IFNE: variants seen among roughly 807,000 people sequenced by gnomAD.
IFNE encodes interferon epsilon.
For synonymous variants in IFNE, 94 were observed against 87.4 expected, an observed-to-expected ratio of 1.08 and a Z score of -0.42; for missense variants, 276 against 232.4, an observed-to-expected ratio of 1.19 and a Z score of -1.22.
chr9:21,481,674 A>G lies in IFNE; in HGVS notation c.21T>C (p.Phe7=), dbSNP rs763145608. 2 of 1,612,418 alleles carry G rather than the reference A, an allele frequency of 1.2e-6. 1 individual carries two copies. The highest frequency in any genetic ancestry group is 2.2e-5 in the South Asian group (2 of 90,864). ...AGGCCAGCAGCACCAACACAGTTCC[A>G]AAGAAGTGCTTGATAATCATGGTGA... The part of the protein sequence containing the change: MIIKHF[F]GTVLVLLAST... The change falls in exon 1 of 1, where the codon TTT becomes TTC. Residue 7 remains phenylalanine, a synonymous_variant. Transcript: ENST00000448696.
Position 21,480,860 on chromosome 9 carries a change from A to G in IFNE, c.*208T>C. On this transcript the variant is annotated 3_prime_UTR_variant, in exon 1 of 1. Transcript: ENST00000448696. ...CCCATTTGAAGAATCAACCATATTA[A>G]TGAATTTATTTTGACATACAAACAA... 1 of 449,140 alleles carries G rather than the reference A, an allele frequency of 2.2e-6. No individual in the cohort carries two copies. Among genetic ancestry groups the G allele is most frequent in the Non-Finnish European group, 3.9e-6 (1 of 257,468 alleles). 27.8% of individuals were successfully genotyped at this position (449,140 alleles called of 1,614,324 possible). A position where few individuals can be genotyped will look rare whatever the true frequency, so the allele number is the denominator to read the frequency against.
At position 21,481,586 on chromosome 9, in the gene IFNE, C is replaced by G; in HGVS notation, c.109G>C (p.Glu37Gln). The G allele has an allele frequency of 6.2e-7, 1 of 1,614,114 alleles. No individual in the cohort carries two copies. Among genetic ancestry groups the G allele is most frequent in the Non-Finnish European group, 8.5e-7 (1 of 1,180,002 alleles). The change falls in exon 1 of 1, where the codon GAA becomes CAA. Residue 37 changes from glutamate to glutamine, a missense_variant. Transcript: ENST00000448696. ...AACTTATTCAAGAGTTTTAAACTTT[C>G]TTGATTCACTTGTCTTTGCTGGAAG... ...IIFQQRQVNQ[E>Q]SLKLLNKLQT...
rs566424755 is a variant in IFNE, at chr9:21,481,442, G to A, written c.253C>T (p.Leu85Phe). The A allele has an allele frequency of 6.2e-7, 1 of 1,614,056 alleles. No individual in the cohort carries two copies. The highest frequency in any genetic ancestry group is 8.5e-7 in the Non-Finnish European group (1 of 1,179,910). ...CTGAAGAGGCTGAAGATCTGCTGAA[G>A]CATCTCATGGAGAATGGCCAGAGTG... is the stretch of plus-strand genomic sequence containing the variant. ...GHTLAILHEM[L>F]QQIFSLFRAN... is the part of the protein sequence containing the mutation. Residue 85 changes from leucine (L) to phenylalanine (F), a missense_variant, in exon 1 of 1, where the codon CTT becomes TTT. Leu to Phe is a conservative substitution (Grantham distance 22). Coordinates refer to ENST00000448696, the MANE Select transcript of IFNE (RefSeq NM_176891.5).
rs546555444 is a variant in IFNE, at chr9:21,481,018, T to C, written c.*50A>G. The C allele has an allele frequency of 1.5e-5, 21 of 1,421,520 alleles. No homozygotes were observed. The East Asian group carries it at 4.6e-4, about 31-fold the overall frequency. The allele number at this position is 1,421,520 out of a possible 1,614,324, so 88.1% of individuals were successfully genotyped here. ...CAATGTGATTGTACTATAAATTGTA[T>C]TACCACTCTATGAAGAATCATGTCT... On this transcript the variant is annotated 3_prime_UTR_variant, in exon 1 of 1. Coordinates refer to ENST00000448696, the MANE Select transcript of IFNE (RefSeq NM_176891.5).
Position 21,480,921 on chromosome 9 carries a change from A to C in IFNE, c.*147T>G. The C allele has an allele frequency of 1.6e-6, 1 of 614,724 alleles. No homozygotes were observed. The highest frequency in any genetic ancestry group is 2.7e-6 in the Non-Finnish European group (1 of 369,386). 38.1% of individuals were successfully genotyped at this position (614,724 alleles called of 1,614,324 possible). On this transcript the variant is annotated 3_prime_UTR_variant, in exon 1 of 1. Coordinates refer to ENST00000448696, the MANE Select transcript of IFNE (RefSeq NM_176891.5). ...ATAGAATATATAAAGCCACATTACA[A>C]AATAAAAACAATTGTGGTCAATATG...
the IFNE span, chr9:21,481,540 TG>T: frequency 6.2e-7 from 1 of 1,614,122 alleles, no homozygotes; most frequent in Non-Finnish European, 8.5e-7. Flanking sequence ...TGGTAGACAC[TG>T]CTGAATTGAC....
At chr9:21,481,598 G>A in the IFNE span, 1 of 1,614,068 alleles carries the variant, frequency 6.2e-7, no homozygotes, top group African/African-American at 1.3e-5. Flanking sequence ...TGATTCACTT[G>A]TCTTTGCTGG....
Position 21,481,779 on chromosome 9 carries a change from G to T in IFNE, c.-85C>A. On this transcript the variant is annotated 5_prime_UTR_variant, in exon 1 of 1. The change creates a new upstream start codon in the 5' untranslated region. Transcript: ENST00000448696. The stretch of plus-strand genomic sequence containing the variant: ...GAATGTTTGCCTTTCATGCATCTCA[G>T]ATTATTTTGGAGAGTGTTCTCTTTT... 2.5e-6 allele frequency: 3 copies of T among 1,207,160 alleles called. No homozygotes were observed. The highest frequency in any genetic ancestry group is 2.4e-5 in the East Asian group (1 of 42,400). The allele number at this position is 1,207,160 out of a possible 1,614,324, so 74.8% of individuals were successfully genotyped here.
Position 21,481,013 on chromosome 9 carries a change from T to C in IFNE, c.*55A>G. 1 of 1,367,786 alleles carries C rather than the reference T, an allele frequency of 7.3e-7. No homozygotes were observed. The highest frequency in any genetic ancestry group is 1.0e-6 in the Non-Finnish European group (1 of 999,592). 84.7% of individuals were successfully genotyped at this position (1,367,786 alleles called of 1,614,324 possible). On this transcript the variant is annotated 3_prime_UTR_variant, in exon 1 of 1. Coordinates refer to ENST00000448696, the MANE Select transcript of IFNE (RefSeq NM_176891.5). The stretch of plus-strand genomic sequence containing the variant: ...CAAAGCAATGTGATTGTACTATAAA[T>C]TGTATTACCACTCTATGAAGAATCA...
Position 21,480,993 on chromosome 9 carries a change from C to T in IFNE, c.*75G>A, listed in dbSNP as rs1819023671. 8.7e-7 allele frequency: 1 copy of T among 1,144,838 alleles called. No homozygotes were observed. Among genetic ancestry groups the T allele is most frequent in the East Asian group, 2.4e-5 (1 of 41,938 alleles). The allele number at this position is 1,144,838 out of a possible 1,614,324, so 70.9% of individuals were successfully genotyped here. A position where few individuals can be genotyped will look rare whatever the true frequency, so the allele number is the denominator to read the frequency against. On this transcript the variant is annotated 3_prime_UTR_variant, in exon 1 of 1. Transcript: ENST00000448696. ...AATATATATATACACAAAATCAAAG[C>T]AATGTGATTGTACTATAAATTGTAT...
chr9:21,480,929 A>G lies in IFNE; in HGVS notation c.*139T>C. On this transcript the variant is annotated 3_prime_UTR_variant, in exon 1 of 1. Transcript: ENST00000448696. The stretch of plus-strand genomic sequence containing the variant: ...TATAAAGCCACATTACAAAATAAAA[A>G]CAATTGTGGTCAATATGCACAATCT... 1.5e-6 allele frequency: 1 copy of G among 647,648 alleles called. No individual in the cohort carries two copies. Among genetic ancestry groups the G allele is most frequent in the Non-Finnish European group, 2.5e-6 (1 of 393,628 alleles). 40.1% of individuals were successfully genotyped at this position (647,648 alleles called of 1,614,324 possible).
In IFNE at chr9:21,481,583, T is replaced by C. The variant is rs763013680; in HGVS notation, c.112A>G (p.Ser38Gly). 1.5e-5 allele frequency: 25 copies of C among 1,614,034 alleles called. No homozygotes were observed. The highest frequency in any genetic ancestry group is 2.0e-5 in the Non-Finnish European group (24 of 1,179,994). ...TGCAACTTATTCAAGAGTTTTAAAC[T>C]TTCTTGATTCACTTGTCTTTGCTGG... ...IFQQRQVNQE[S>G]LKLLNKLQTL... The change falls in exon 1 of 1, where the codon AGT becomes GGT. Residue 38 changes from serine (S) to glycine (G), a missense_variant. Ser to Gly is a moderately conservative substitution (Grantham distance 56, BLOSUM62 0). Transcript: ENST00000448696.
chr9:21,481,071 C>G lies in IFNE; in HGVS notation c.624G>C (p.Arg208Ser). Residue 208 changes from arginine (R) to serine (S), a missense_variant, in exon 1 of 1, where the codon AGG (arginine) becomes AGC (serine). Arg to Ser is a moderately radical substitution (Grantham distance 110). Coordinates refer to ENST00000448696, the MANE Select transcript of IFNE (RefSeq NM_176891.5). ...AGAAGTCCTCTAGTCCCTCCACCTA[C>G]CTCGGGCTTCTAAACTCTGTAGTAA... ...QELTTEFRSP[R>S] 3 of 1,599,758 alleles carry G rather than the reference C, an allele frequency of 1.9e-6. No individual in the cohort carries two copies. Among genetic ancestry groups the G allele is most frequent in the Non-Finnish European group, 2.6e-6 (3 of 1,173,816 alleles).
rs1819036632 is a variant in IFNE at position 21,481,332 on chromosome 9, T to A, written c.363A>T (p.Glu121Asp). The A allele has an allele frequency of 8.1e-6, 13 of 1,614,206 alleles. No homozygotes were observed. In the Middle Eastern group the frequency reaches 4.9e-4, roughly 61 times the overall value. ...IQLHQQLEYL[E>D]ALMGLEAEKL... ...TCTCTGCTTCCAGTCCCATGAGTGC[T>A]TCTAGGTATTCTAGCTGTTGATGAA... The change falls in exon 1 of 1, where the codon GAA becomes GAT. Residue 121 changes from glutamate (E) to aspartate (D), a missense_variant. Coordinates refer to ENST00000448696, the MANE Select transcript of IFNE (RefSeq NM_176891.5).
In IFNE at chr9:21,481,277, G is replaced by A. The variant is rs1364115387; in HGVS notation, c.418C>T (p.Leu140Phe). Reference protein sequence around the residue: ...KLSGTLGSDNLRLQVKMYFRR... With the variant: ...KLSGTLGSDNFRLQVKMYFRR... The stretch of plus-strand genomic sequence containing the variant: ...AAGTACATTTTAACTTGTAATCTAA[G>A]GTTATCACTACCCAAAGTACCACTT... Residue 140 changes from leucine to phenylalanine, a missense_variant, in exon 1 of 1, where the codon CTT becomes TTT. Transcript: ENST00000448696. 1.2e-6 allele frequency: 2 copies of A among 1,614,030 alleles called. No individual in the cohort carries two copies. The highest frequency in any genetic ancestry group is 1.7e-5 in the Admixed American group (1 of 60,030).
rs1160033016 is a variant in IFNE at position 21,481,627 on chromosome 9, T to A, written c.68A>T (p.Asp23Val). Residue 23 changes from aspartate to valine, a missense_variant, in exon 1 of 1, where the codon GAT becomes GTT. Coordinates refer to ENST00000448696, the MANE Select transcript of IFNE (RefSeq NM_176891.5). ...TTGCTGGAAGATAATCAGTTTCAAATCTAGAGAGAAGATAGTGGTAGAGGC... is the reference window on the plus strand; with the variant it reads ...TTGCTGGAAGATAATCAGTTTCAAAACTAGAGAGAAGATAGTGGTAGAGGC... ...LLASTTIFSL[D>V]LKLIIFQQRQ... is the part of the protein sequence containing the mutation. 9.3e-6 allele frequency: 15 copies of A among 1,614,070 alleles called. No homozygotes were observed. Among genetic ancestry groups the A allele is most frequent in the Non-Finnish European group, 1.3e-5 (15 of 1,179,946 alleles).
chr9:21,481,067 C>T lies in IFNE; in HGVS notation c.*1G>A, dbSNP rs1563901958. The T allele has an allele frequency of 3.8e-6, 6 of 1,596,028 alleles. No homozygotes were observed. Among genetic ancestry groups the T allele is most frequent in the Non-Finnish European group, 4.3e-6 (5 of 1,172,332 alleles). ...CTGGAGAAGTCCTCTAGTCCCTCCA[C>T]CTACCTCGGGCTTCTAAACTCTGTA... is the stretch of plus-strand genomic sequence containing the variant. On this transcript the variant is annotated 3_prime_UTR_variant, in exon 1 of 1. Coordinates refer to ENST00000448696, the MANE Select transcript of IFNE (RefSeq NM_176891.5).
In IFNE at chr9:21,481,937, C is replaced by G; in HGVS notation, c.-243G>C. 2.1e-6 allele frequency: 1 copy of G among 468,630 alleles called. No homozygotes were observed. The highest frequency in any genetic ancestry group is 3.8e-5 in the East Asian group (1 of 26,126). 29.0% of individuals were successfully genotyped at this position (468,630 alleles called of 1,614,324 possible). A position where few individuals can be genotyped will look rare whatever the true frequency, so the allele number is the denominator to read the frequency against. On this transcript the variant is annotated 5_prime_UTR_variant, in exon 1 of 1. Transcript: ENST00000448696. The stretch of plus-strand genomic sequence containing the variant: ...CTATTTTGAGGAAGTACCAAAATAA[C>G]TTATTCATTGTATGCTTTCCTTGAG...
Position 21,481,724 on chromosome 9 carries a change from G to A in IFNE, c.-30C>T. On this transcript the variant is annotated 5_prime_UTR_variant, in exon 1 of 1. The change creates a premature stop within an existing upstream ORF in the 5' untranslated region. Transcript: ENST00000448696. ...AAGGTCAAATATGCTACTTATCCCT[G>A]CATAGACTTAGGGAAATTCCAGCTC... 6.4e-7 allele frequency: 1 copy of A among 1,566,922 alleles called. No individual in the cohort carries two copies. The highest frequency in any genetic ancestry group is 8.6e-7 in the Non-Finnish European group (1 of 1,157,478).
Sources: gnomAD v4.1 joint callset for allele counts on GRCh38, gnomAD v4.1.1 for gene constraint, MANE v1.5 for transcripts, NCBI Gene and HGNC (gene_info 2026-07-23, HGNC 2026-07-21) for gene names.